Variants in BAHCC1 observed in about 807,000 individuals in gnomAD.
BAHCC1 encodes the protein BAH and coiled-coil domain-containing protein 1.
BAHCC1 carries 43 observed loss-of-function variants against 88.2 expected under a neutral mutation model. That is an observed-to-expected ratio of 0.49 (90% confidence interval 0.38 to 0.63). BAHCC1 has a LOEUF of 0.63. BAHCC1 is among the 20% of genes least tolerant of loss of function. The pLI is 0.00. For missense variants in BAHCC1, 3,023 were observed against 1,654.8 expected, an observed-to-expected ratio of 1.83 and a Z score of -14.34; for synonymous variants, 1,510 against 745.5, an observed-to-expected ratio of 2.03 and a Z score of -16.71.
chr17:81,427,684 C>T (rs2064216172), intron 3 of BAHCC1, among the ~76,000 whole-genome samples: 1 of 152,188 alleles, frequency 6.6e-6, no homozygotes, highest in Admixed American at 6.5e-5. Context: ...GCTGGTATTC[C>T]CTCGGCCACC....
intron 8 of BAHCC1, 32 bp downstream of exon 8, chr17:81,444,858 G>C (rs782182278): frequency 1.3e-6 from 1 of 755,150 alleles, no homozygotes; most frequent in Non-Finnish European, 2.5e-6. Flanking sequence ...TGCTGTACTT[G>C]GGGGGTGCTG....
rs2030523861 is a variant in BAHCC1, at chr17:81,463,956, G to A, written c.*139G>A. 1 of 623,180 alleles carries A rather than the reference G, an allele frequency of 1.6e-6. No homozygotes were observed. The highest frequency in any genetic ancestry group is 2.9e-6 in the Non-Finnish European group (1 of 348,114). 38.6% of individuals were successfully genotyped at this position (623,180 alleles called of 1,614,324 possible). A position where few individuals can be genotyped will look rare whatever the true frequency, so the allele number is the denominator to read the frequency against. On this transcript the variant is annotated 3_prime_UTR_variant, in exon 28 of 28. Transcript: ENST00000675386. ...AAATATGCAAAAGCCCACAGGGCAA[G>A]ACCCAGGCTTTCTTACGGTTTTCCC...
At chr17:81,419,210 G>A (rs2064081745) in intron 2 of BAHCC1, among the ~76,000 whole-genome samples, 1 of 152,202 alleles carries the variant, frequency 6.6e-6, no homozygotes, top group Admixed American at 6.5e-5. Context: ...CCTGGTGCGG[G>A]CGGAGGTCCC....
At position 81,435,134 on chromosome 17, in the gene BAHCC1, C is replaced by G. The variant is rs1257686266; in HGVS notation, c.359-3236C>G. On this transcript the variant is annotated intron_variant, in intron 3 of 27. Coordinates refer to ENST00000675386, the MANE Select transcript of BAHCC1 (RefSeq NM_001377448.1). The surrounding 1 kb of genome is among the most constrained non-coding windows in gnomAD (Gnocchi z 4.4). ...CCCCACTGACTGCCCACTCTCTCTC[C>G]TCCTGCCCACACCACAGGCCTCCTA... Among the ~76,000 whole-genome samples, 1 of 152,164 alleles carries G rather than the reference C, an allele frequency of 6.6e-6. No homozygotes were observed. The highest frequency in any genetic ancestry group is 1.5e-5 in the Non-Finnish European group (1 of 68,018).
At chr17:81,405,743 C>G (rs2063870616) in intron 2 of BAHCC1, among the ~76,000 whole-genome samples, 1 of 152,204 alleles carries the variant, frequency 6.6e-6, no homozygotes, top group African/African-American at 2.4e-5. Context: ...GCCCCCCGGT[C>G]TGGCTTCCTC....
rs369485523 is a variant in BAHCC1 at position 81,447,081 on chromosome 17, C to G, written c.3209C>G (p.Ser1070Cys). Residue 1070 changes from serine (S) to cysteine (C), a missense_variant, in exon 11 of 28, where the codon TCC (serine) becomes TGC (cysteine). Ser to Cys is a moderately radical substitution (Grantham distance 112). Transcript: ENST00000675386. Reference sequence around the variant, plus strand: ...CGCCCCATGGCTGGCCTGGGCTTCTCCCTACCCTCAGACGTGCACTCTTCT... The same window carrying G: ...CGCCCCATGGCTGGCCTGGGCTTCTGCCTACCCTCAGACGTGCACTCTTCT... ...YLRPMAGLGFSLPSDVHSSNL... is the reference protein window; with the variant it reads ...YLRPMAGLGFCLPSDVHSSNL... 9.6e-5 allele frequency: 75 copies of G among 779,262 alleles called. No individual in the cohort carries two copies. The highest frequency in any genetic ancestry group is 6.1e-4 in the African/African-American group (36 of 59,132). The allele number at this position is 779,262 out of a possible 1,614,324, so 48.3% of individuals were successfully genotyped here.
At chr17:81,418,838 C>T (rs1452934904) in intron 2 of BAHCC1, among the ~76,000 whole-genome samples, 1 of 48,270 alleles carries the variant, frequency 2.1e-5, no homozygotes. Flanking sequence ...TGTGTAGCCA[C>T]TCATCCCAGA....
intron 11 of BAHCC1, among the ~76,000 whole-genome samples, chr17:81,449,961 A>G (rs1455068641): frequency 6.6e-6 from 1 of 151,950 alleles, no homozygotes; most frequent in African/African-American, 2.4e-5. Flanking sequence ...CTTTGGTGGA[A>G]TCTCAGGTGC....
Position 81,457,443 on chromosome 17 carries a change from T to G in BAHCC1, c.4892T>G (p.Leu1631Arg). 2.6e-6 allele frequency: 2 copies of G among 772,620 alleles called. No individual in the cohort carries two copies. Among genetic ancestry groups the G allele is most frequent in the Non-Finnish European group, 4.8e-6 (2 of 414,994 alleles). The allele number at this position is 772,620 out of a possible 1,614,324, so 47.9% of individuals were successfully genotyped here. ...TATGACAGTGAGGACTGCGAGGGTC[T>G]CCTGGGGACAGAGGCACCACCCAGG... ...SGYDSEDCEG[L>R]LGTEAPPREA... The change falls in exon 17 of 28, where the codon CTC (leucine) becomes CGC (arginine). Residue 1631 changes from leucine to arginine, a missense_variant. Leu to Arg is a moderately radical substitution (Grantham distance 102). Transcript: ENST00000675386.
chr17:81,443,739 C>G lies in BAHCC1; in HGVS notation c.2216-70C>G. 1.4e-5 allele frequency: 10 copies of G among 696,052 alleles called. No homozygotes were observed. In the South Asian group the frequency reaches 1.5e-4, roughly 10 times the overall value. The allele number at this position is 696,052 out of a possible 1,614,324, so 43.1% of individuals were successfully genotyped here. On this transcript the variant is annotated intron_variant, in intron 5 of 27. Coordinates refer to ENST00000675386, the MANE Select transcript of BAHCC1 (RefSeq NM_001377448.1). The stretch of plus-strand genomic sequence containing the variant: ...GGCCCCCCAGCTCGAAGCGGGGTCA[C>G]TGCTTGCCTTAGCTGGTGGCTCCCT...
chr17:81,448,692 C>T (rs988512113), intron 11 of BAHCC1, among the ~76,000 whole-genome samples: 8 of 152,346 alleles, frequency 5.3e-5, no homozygotes, highest in Non-Finnish European at 7.3e-5. Flanking sequence ...GTGCATTTCC[C>T]CAGGGGCCCG....
At position 81,447,209 on chromosome 17, in the gene BAHCC1, A is replaced by G. The variant is rs1041068204; in HGVS notation, c.3337A>G (p.Ser1113Gly). The change falls in exon 11 of 28, where the codon AGC (serine) becomes GGC (glycine). Residue 1113 changes from serine (S) to glycine (G), a missense_variant. Ser to Gly is a moderately conservative substitution (Grantham distance 56). Transcript: ENST00000675386. Reference protein sequence around the residue: ...PGEPPPCSPRSLEEPGLLSGA... With the variant: ...PGEPPPCSPRGLEEPGLLSGA... The stretch of plus-strand genomic sequence containing the variant: ...GGAGCCGCCTCCCTGCAGCCCCAGG[A>G]GCCTGGAGGAGCCCGGGCTGCTCTC... 1.3e-6 allele frequency: 1 copy of G among 753,408 alleles called. No homozygotes were observed. Among genetic ancestry groups the G allele is most frequent in the Non-Finnish European group, 2.5e-6 (1 of 406,206 alleles). 46.7% of individuals were successfully genotyped at this position (753,408 alleles called of 1,614,324 possible). A position where few individuals can be genotyped will look rare whatever the true frequency, so the allele number is the denominator to read the frequency against.
Position 81,445,196 on chromosome 17 carries a change from G to T in BAHCC1, c.2835+18G>T, listed in dbSNP as rs533090069. The T allele has an allele frequency of 1.3e-6, 1 of 753,988 alleles. No individual in the cohort carries two copies. The highest frequency in any genetic ancestry group is 1.4e-5 in the South Asian group (1 of 70,954). 46.7% of individuals were successfully genotyped at this position (753,988 alleles called of 1,614,324 possible). On this transcript the variant is annotated intron_variant, in intron 9 of 27. Coordinates refer to ENST00000675386, the MANE Select transcript of BAHCC1 (RefSeq NM_001377448.1). ...AGTTCCAGGTACCGCCCCTAGCCACGCTCACCTGGGCCGGGCACTTCTCCC... is the reference window on the plus strand; with the variant it reads ...AGTTCCAGGTACCGCCCCTAGCCACTCTCACCTGGGCCGGGCACTTCTCCC...
At position 81,399,142 on chromosome 17, in the gene BAHCC1, T is replaced by C. The variant is rs1555645411; in HGVS notation, c.-206-392T>C. On this transcript the variant is annotated intron_variant, in intron 1 of 27. Transcript: ENST00000675386. The surrounding 1 kb of genome is among the most constrained non-coding windows in gnomAD (Gnocchi z 4.5). ...GTGTGCGTGTGAGTGTGTGTGTGTG[T>C]GTGTGTGTGTGCGAGTGTGCGTGAT... is the stretch of plus-strand genomic sequence containing the variant. 5.4e-6 allele frequency: 2 copies of C among 372,300 alleles called. No homozygotes were observed. Among genetic ancestry groups the C allele is most frequent in the Non-Finnish European group, 1.1e-5 (2 of 183,148 alleles). 23.1% of individuals were successfully genotyped at this position (372,300 alleles called of 1,614,324 possible).
chr17:81,463,355 C>G (rs1223102926), intron 27 of BAHCC1, among the ~76,000 whole-genome samples: 2 of 152,228 alleles, frequency 1.3e-5, no homozygotes, highest in African/African-American at 4.8e-5. Context: ...CCATATGACA[C>G]GTCCATCTTT....
At chr17:81,450,781 G>A (rs1420678591) in intron 11 of BAHCC1, among the ~76,000 whole-genome samples, 12 of 152,208 alleles carry the variant, frequency 7.9e-5, no homozygotes, top group African/African-American at 1.7e-4. Context: ...AGGAATCGAG[G>A]GCCTGGGGTC....
intron 2 of BAHCC1, among the ~76,000 whole-genome samples, chr17:81,400,406 G>A (rs1293694355): frequency 2.0e-5 from 3 of 152,188 alleles, no homozygotes; most frequent in Non-Finnish European, 4.4e-5. Flanking sequence ...AGGGACTGCT[G>A]GTGTAAGACG....
At position 81,434,093 on chromosome 17, in the gene BAHCC1, G is replaced by A. The variant is rs890463770; in HGVS notation, c.359-4277G>A. ...CCCGGGACTCCCCTGGGGTCACTGT[G>A]GGGGGAGTAACAGGGGATCTGGCAG... is the stretch of plus-strand genomic sequence containing the variant. On this transcript the variant is annotated intron_variant, in intron 3 of 27. Transcript: ENST00000675386. The surrounding 1 kb of genome is among the most constrained non-coding windows in gnomAD (Gnocchi z 4.9). Among the ~76,000 whole-genome samples, 5 of 152,178 alleles carry A rather than the reference G, an allele frequency of 3.3e-5. No individual in the cohort carries two copies. The highest frequency in any genetic ancestry group is 4.4e-5 in the Non-Finnish European group (3 of 68,026).
chr17:81,416,996 C>T (rs1789442255), intron 2 of BAHCC1, among the ~76,000 whole-genome samples: 1 of 152,196 alleles, frequency 6.6e-6, no homozygotes, highest in African/African-American at 2.4e-5. Context: ...TTGTCCCCTG[C>T]ATGTCCACAG....
Sources: gnomAD v4.1 joint callset for allele counts (sites outside exome capture counted in the v4.1 genomes callset) on GRCh38, gnomAD v4.1.1 for gene constraint, Gnocchi (gnomAD v3.1) non-coding constraint, MANE v1.5 for transcripts, NCBI Gene and HGNC (gene_info 2026-07-23, HGNC 2026-07-21) for gene names.